The following CAMK2D variants were observed in gnomAD, a reference collection of about 807,000 sequenced individuals.
CAMK2D encodes the protein calcium/calmodulin dependent protein kinase II delta.
A neutral mutation model predicts 84.0 loss-of-function variants in CAMK2D; 37 were observed. The observed-to-expected ratio is 0.44, with a 90% confidence interval of 0.34 to 0.58. The LOEUF (loss-of-function observed/expected upper bound fraction) is 0.58, where lower values mean the gene tolerates loss of function less well. Among genes scored for constraint, CAMK2D ranks in the 20% least tolerant of loss-of-function variants. The pLI, the probability that CAMK2D is intolerant of heterozygous loss-of-function variation, is 0.02. For missense variants in CAMK2D, 448 were observed against 652.5 expected, an observed-to-expected ratio of 0.69 and a Z score of 3.41; for synonymous variants, 202 against 212.5, an observed-to-expected ratio of 0.95 and a Z score of 0.43.
Position 113,761,104 on chromosome 4 carries a change from C to A in CAMK2D, c.-36G>T. The A allele has an allele frequency of 1.9e-6, 3 of 1,613,334 alleles. No individual in the cohort carries two copies. The highest frequency in any genetic ancestry group is 2.5e-6 in the Non-Finnish European group (3 of 1,179,958). ...GGCTGTGCCCTGGCTGGGAGCGCGA[C>A]GGACCAGAAGCGAGCAGACGCGCGG... is the stretch of plus-strand genomic sequence containing the variant. On this transcript the variant is annotated 5_prime_UTR_variant, in exon 1 of 21. Transcript: ENST00000511664.
At chr4:113,601,836 A>C (rs1229294508) in intron 4 of CAMK2D, among the ~76,000 whole-genome samples, 1 of 151,848 alleles carries the variant, frequency 6.6e-6, no homozygotes, top group East Asian at 1.9e-4. Flanking sequence ...CTAGGACTAC[A>C]TGCAAGTGCC....
At chr4:113,492,089 C>T (rs1590091136) in intron 16 of CAMK2D, among the ~76,000 whole-genome samples, 1 of 152,076 alleles carries the variant, frequency 6.6e-6, no homozygotes, top group South Asian at 2.1e-4. Context: ...TTTCAAAAAA[C>T]CAGCTCCTGG....
intron 2 of CAMK2D, among the ~76,000 whole-genome samples, chr4:113,745,473 C>T (rs1350652795): frequency 6.6e-6 from 1 of 152,182 alleles, no homozygotes; most frequent in Non-Finnish European, 1.5e-5. Flanking sequence ...TCCTATTCAT[C>T]AAACCAGTTT....
chr4:113,628,907 C>A (rs1205883153), intron 3 of CAMK2D, among the ~76,000 whole-genome samples: 1 of 152,034 alleles, frequency 6.6e-6, no homozygotes, highest in Admixed American at 6.6e-5. Flanking sequence ...TGTACCTGGT[C>A]CTCTTGCTTC....
At chr4:113,694,097 C>T (rs2154343279) in intron 2 of CAMK2D, among the ~76,000 whole-genome samples, 1 of 152,206 alleles carries the variant, frequency 6.6e-6, no homozygotes, top group South Asian at 2.1e-4. Flanking sequence ...ATCAGCTAAC[C>T]AGTTTATCTA....
intron 2 of CAMK2D, among the ~76,000 whole-genome samples, chr4:113,737,121 T>C (rs2099583072): frequency 6.6e-6 from 1 of 152,216 alleles, no homozygotes; most frequent in Admixed American, 6.5e-5. Flanking sequence ...TTATCACTGA[T>C]ATACTTTCTT....
At chr4:113,506,134 GTA>G (rs1279909326) in intron 13 of CAMK2D, among the ~76,000 whole-genome samples, 31 of 152,094 alleles carry the variant, frequency 2.0e-4, no homozygotes, top group African/African-American at 7.5e-4. Context: ...AAATAAATGA[GTA>G]TCAAATGAGC....
At chr4:113,563,214 A>G (rs1293356550) in intron 4 of CAMK2D, among the ~76,000 whole-genome samples, 2 of 152,176 alleles carry the variant, frequency 1.3e-5, no homozygotes, top group Non-Finnish European at 2.9e-5. Context: ...AGATCACGCC[A>G]TTGCACTCCA....
rs567678616 is a variant in CAMK2D at position 113,742,618 on chromosome 4, A to C, written c.160+16702T>G. On this transcript the variant is annotated intron_variant, in intron 2 of 20. Transcript: ENST00000511664. The stretch of plus-strand genomic sequence containing the variant: ...CAAAGTAAACCTTTGTAGTAAACTT[A>C]GAAAAGCAAATTTTAAAAAGAGACA... 2.6e-5 allele frequency among the ~76,000 whole-genome samples: 4 copies of C among 152,082 alleles called. No homozygotes were observed. The East Asian group carries it at 7.7e-4, about 29-fold the overall frequency.
At chr4:113,708,629 A>G (rs1049327580) in intron 2 of CAMK2D, among the ~76,000 whole-genome samples, 1 of 152,150 alleles carries the variant, frequency 6.6e-6, no homozygotes, top group Non-Finnish European at 1.5e-5. Context: ...CTTTTTTAAA[A>G]AGCTAAATAT....
At chr4:113,704,073 A>G (rs2099431665) in intron 2 of CAMK2D, among the ~76,000 whole-genome samples, 1 of 152,078 alleles carries the variant, frequency 6.6e-6, no homozygotes, top group Non-Finnish European at 1.5e-5. Context: ...AAGTAGCCTT[A>G]GAAGCACAGT....
At chr4:113,663,742 A>T (rs1485630297) in intron 2 of CAMK2D, among the ~76,000 whole-genome samples, 1 of 151,424 alleles carries the variant, frequency 6.6e-6, no homozygotes, top group African/African-American at 2.4e-5. Flanking sequence ...TGAAAAATAT[A>T]TAATTACATT....
At chr4:113,629,405 G>A (rs1285337991) in intron 3 of CAMK2D, among the ~76,000 whole-genome samples, 1 of 151,814 alleles carries the variant, frequency 6.6e-6, no homozygotes, top group African/African-American at 2.4e-5. Flanking sequence ...TAAATTTCTG[G>A]TTTTTAAACT....
intron 3 of CAMK2D, among the ~76,000 whole-genome samples, chr4:113,650,061 G>C (rs1459764335): frequency 1.3e-5 from 2 of 152,146 alleles, no homozygotes; most frequent in African/African-American, 4.8e-5. Context: ...CCTCCAGCCA[G>C]AGTGACAGAG....
At chr4:113,655,729 G>A (rs1456405410) in intron 3 of CAMK2D, among the ~76,000 whole-genome samples, 1 of 152,026 alleles carries the variant, frequency 6.6e-6, no homozygotes, top group African/African-American at 2.4e-5. Context: ...GCCCATACAT[G>A]AATATCTTCT....
At chr4:113,617,954 T>C (rs1259788502) in intron 3 of CAMK2D, among the ~76,000 whole-genome samples, 13 of 151,732 alleles carry the variant, frequency 8.6e-5, no homozygotes, top group Admixed American at 7.9e-4. Context: ...CACATATATA[T>C]ATATAAAATA....
rs995990877 is a variant in CAMK2D, at chr4:113,453,627, C to T, written c.*918G>A. On this transcript the variant is annotated 3_prime_UTR_variant, in exon 21 of 21. Transcript: ENST00000511664. ...GCTACCTTCAAAAGACTTTTATTTC[C>T]CTTTTACATTCATTATGCAAATTTC... 2.0e-5 allele frequency: 3 copies of T among 152,076 alleles called. No homozygotes were observed. The highest frequency in any genetic ancestry group is 7.2e-5 in the African/African-American group (3 of 41,394). 9.4% of individuals were successfully genotyped at this position (152,076 alleles called of 1,614,324 possible).
intron 2 of CAMK2D, among the ~76,000 whole-genome samples, chr4:113,743,003 C>G (rs2099596338): frequency 6.6e-6 from 1 of 152,074 alleles, no homozygotes; most frequent in Admixed American, 6.5e-5. Flanking sequence ...ATAAGGGAAA[C>G]TTAGATTGTA....
At chr4:113,634,464 G>T (rs774939540) in intron 3 of CAMK2D, among the ~76,000 whole-genome samples, 1 of 152,160 alleles carries the variant, frequency 6.6e-6, no homozygotes, top group Non-Finnish European at 1.5e-5. Context: ...AGAAAAGTAG[G>T]TAAGAAAAAT....
Sources: allele counts gnomAD v4.1 joint callset (sites outside exome capture counted in the v4.1 genomes callset), GRCh38; gene constraint gnomAD v4.1.1; transcripts MANE v1.5; gene names NCBI Gene and HGNC (gene_info 2026-07-23, HGNC 2026-07-21).